The following TOX variants were observed in gnomAD, a reference collection of about 807,000 sequenced individuals.
The protein encoded by TOX is thymocyte selection-associated high mobility group box protein TOX.
A neutral mutation model predicts 53.7 loss-of-function variants in TOX; 11 were observed. That is an observed-to-expected ratio of 0.20 (90% CI 0.13 to 0.34). TOX has a LOEUF of 0.34. TOX is among the 10% of genes least tolerant of loss of function. TOX has a pLI of 1.00. For synonymous variants in TOX, 225 were observed against 245.3 expected (o/e 0.92, Z 0.77); for missense variants, 570 against 664.6 (o/e 0.86, Z 1.56).
chr8:59,094,701 G>A (rs1391956785), intron 1 of TOX, among the ~76,000 whole-genome samples: 1 of 152,138 alleles, frequency 6.6e-6, no homozygotes, highest in Non-Finnish European at 1.5e-5. Flanking sequence ...AAGGACCTCT[G>A]AAGCAGCCCA....
At chr8:59,069,065 T>C (rs769759129) in intron 1 of TOX, among the ~76,000 whole-genome samples, 3 of 152,162 alleles carry the variant, frequency 2.0e-5, no homozygotes, top group Admixed American at 6.5e-5. Context: ...TCCTGCGACA[T>C]GGCCAGGAGT....
At chr8:58,881,591 G>T (rs1011659675) in intron 3 of TOX, among the ~76,000 whole-genome samples, 1 of 151,996 alleles carries the variant, frequency 6.6e-6, no homozygotes, top group African/African-American at 2.4e-5. Flanking sequence ...GGGTGTGGTG[G>T]CACGTGCCTG....
intron 1 of TOX, among the ~76,000 whole-genome samples, chr8:58,990,419 T>C (rs1285383500): frequency 6.6e-6 from 1 of 151,158 alleles, no homozygotes; most frequent in African/African-American, 2.4e-5. Context: ...TTATTTTTAT[T>C]TATTTATTTA....
intron 1 of TOX, among the ~76,000 whole-genome samples, chr8:59,008,844 AT>A (rs1335247431): frequency 6.6e-6 from 1 of 152,220 alleles, no homozygotes; most frequent in Non-Finnish European, 1.5e-5. Context: ...TCTTAGCAGA[AT>A]TTGGCACACT....
chr8:59,031,303 A>G (rs1814351343), intron 1 of TOX, among the ~76,000 whole-genome samples: 1 of 152,222 alleles, frequency 6.6e-6, no homozygotes, highest in African/African-American at 2.4e-5. Flanking sequence ...GAAAACTTCT[A>G]GGACAAGATG....
intron 1 of TOX, among the ~76,000 whole-genome samples, chr8:59,095,611 G>C (rs1358567737): frequency 6.6e-6 from 1 of 151,942 alleles, no homozygotes; most frequent in African/African-American, 2.4e-5. Context: ...TGTTGGCCAG[G>C]CTGGTCTTGA....
intron 1 of TOX, among the ~76,000 whole-genome samples, chr8:58,989,995 C>T (rs982535996): frequency 6.6e-6 from 1 of 152,198 alleles, no homozygotes; most frequent in Non-Finnish European, 1.5e-5. Flanking sequence ...TGCTGTATCC[C>T]AGCAATGGTT....
At chr8:58,895,424 T>C (rs1811627796) in intron 3 of TOX, among the ~76,000 whole-genome samples, 1 of 152,214 alleles carries the variant, frequency 6.6e-6, no homozygotes, top group Non-Finnish European at 1.5e-5. Context: ...TCCTACTCAT[T>C]TTTGTATAAC....
At chr8:59,045,015 C>G (rs1406924749) in intron 1 of TOX, among the ~76,000 whole-genome samples, 1 of 152,178 alleles carries the variant, frequency 6.6e-6, no homozygotes, top group Non-Finnish European at 1.5e-5. Context: ...TTTCTCTAAG[C>G]AAAAATAGTG....
chr8:59,106,289 C>A (rs1470533374), intron 1 of TOX, among the ~76,000 whole-genome samples: 2 of 138,266 alleles, frequency 1.4e-5, no homozygotes, highest in African/African-American at 2.7e-5. Flanking sequence ...TTTTTTCTTT[C>A]TTTTCTAAGT....
At chr8:58,998,035 G>T (rs13253554) in intron 1 of TOX, among the ~76,000 whole-genome samples, 1 of 151,868 alleles carries the variant, frequency 6.6e-6, no homozygotes, top group Admixed American at 6.6e-5. Flanking sequence ...CTCGTGATCC[G>T]CCCGCCTCGG....
intron 1 of TOX, among the ~76,000 whole-genome samples, chr8:59,044,886 A>G (rs1293012925): frequency 6.6e-6 from 1 of 152,242 alleles, no homozygotes; most frequent in Non-Finnish European, 1.5e-5. Flanking sequence ...GATTAATCAT[A>G]TGAATAATCG....
chr8:58,830,672 T>C (rs1276263603), intron 5 of TOX, among the ~76,000 whole-genome samples: 1 of 152,174 alleles, frequency 6.6e-6, no homozygotes, highest in Non-Finnish European at 1.5e-5. Flanking sequence ...TTCCTTCTTT[T>C]CTGCTCTGGC....
At chr8:58,885,553 TA>T (rs1811452126) in intron 3 of TOX, among the ~76,000 whole-genome samples, 1 of 152,090 alleles carries the variant, frequency 6.6e-6, no homozygotes, top group African/African-American at 2.4e-5. Context: ...GCTATGTTAG[TA>T]AAAAAAGAAA....
intron 1 of TOX, among the ~76,000 whole-genome samples, chr8:59,062,959 G>T (rs1243492423): frequency 6.6e-6 from 1 of 152,164 alleles, no homozygotes; most frequent in Non-Finnish European, 1.5e-5. Context: ...AGGTAAAACT[G>T]TAAGAATCTT....
At chr8:59,063,065 G>GC (rs1361268866) in intron 1 of TOX, among the ~76,000 whole-genome samples, 1 of 151,996 alleles carries the variant, frequency 6.6e-6, no homozygotes, top group Non-Finnish European at 1.5e-5. Context: ...TTCAGAAAAG[G>GC]CATTTTTTTG....
chr8:58,924,220 T>C (rs561714979), intron 3 of TOX, among the ~76,000 whole-genome samples: 8 of 152,232 alleles, frequency 5.3e-5, no homozygotes, highest in African/African-American at 1.2e-4. Flanking sequence ...GCATTTTTAG[T>C]ATTCAGGTAA....
At chr8:59,064,741 A>AT (rs1804056636) in intron 1 of TOX, among the ~76,000 whole-genome samples, 5 of 152,094 alleles carry the variant, frequency 3.3e-5, no homozygotes, top group Admixed American at 3.3e-4. Context: ...CATATTCTAC[A>AT]TTTTCTCTCT....
chr8:58,823,467 G>T (rs1810314201), intron 6 of TOX, among the ~76,000 whole-genome samples: 2 of 152,068 alleles, frequency 1.3e-5, no homozygotes, highest in Admixed American at 6.6e-5. Context: ...CAAGTGATCT[G>T]CCTGCCTCAG....
Sources: allele counts gnomAD v4.1 joint callset (sites outside exome capture counted in the v4.1 genomes callset), GRCh38; gene constraint gnomAD v4.1.1; transcripts MANE v1.5; gene names NCBI Gene and HGNC (gene_info 2026-07-23, HGNC 2026-07-21).